FSTL5: variants seen among roughly 807,000 people sequenced by gnomAD.
FSTL5 encodes the protein follistatin like 5.
A neutral mutation model predicts 89.1 loss-of-function variants in FSTL5; 62 were observed. The observed-to-expected ratio is 0.70, with a 90% confidence interval of 0.57 to 0.86. FSTL5 has a LOEUF of 0.86. FSTL5 is among the 40% of genes least tolerant of loss of function. FSTL5 has a pLI of 0.00. For synonymous variants in FSTL5, 383 were observed against 346.2 expected (o/e 1.11, Z -1.18); for missense variants, 1,057 against 1,001.6 (o/e 1.06, Z -0.75).
intron 2 of FSTL5, among the ~76,000 whole-genome samples, chr4:162,074,175 C>G (rs759890172): frequency 6.6e-6 from 1 of 151,718 alleles, no homozygotes; most frequent in Admixed American, 6.6e-5. Context: ...TTGCTCACCA[C>G]TTAGTAACTT....
intron 2 of FSTL5, among the ~76,000 whole-genome samples, chr4:162,103,258 A>G (rs887578610): frequency 6.6e-6 from 1 of 152,202 alleles, no homozygotes; most frequent in South Asian, 2.1e-4. Context: ...AAACACGCAA[A>G]CAACACATTC....
intron 13 of FSTL5, among the ~76,000 whole-genome samples, chr4:161,469,958 TGA>T (rs1431302398): frequency 1.3e-5 from 2 of 152,182 alleles, no homozygotes; most frequent in Non-Finnish European, 2.9e-5. Flanking sequence ...TTTTTGTGGT[TGA>T]GTTTTAGGAG....
intron 2 of FSTL5, among the ~76,000 whole-genome samples, chr4:162,102,211 T>A (rs889920078): frequency 6.6e-6 from 1 of 151,594 alleles, no homozygotes; most frequent in Non-Finnish European, 1.5e-5. Flanking sequence ...AAAAAAAAAA[T>A]AAACAGTAGC....
chr4:162,140,598 C>G (rs1732689923), intron 1 of FSTL5, among the ~76,000 whole-genome samples: 3 of 145,910 alleles, frequency 2.1e-5, no homozygotes, highest in African/African-American at 7.4e-5. Flanking sequence ...GAGGATCTGA[C>G]AGATGAGTGA....
At chr4:162,029,801 T>TA (rs1737447499) in intron 3 of FSTL5, among the ~76,000 whole-genome samples, 1 of 152,050 alleles carries the variant, frequency 6.6e-6, no homozygotes, top group Admixed American at 6.6e-5. Flanking sequence ...GTATCACTAA[T>TA]AACAGTATGC....
intron 8 of FSTL5, among the ~76,000 whole-genome samples, chr4:161,558,457 C>T (rs72687537): frequency 0.21 from 32,329 of 151,750 alleles, 3,628 homozygotes; most frequent in Non-Finnish European, 0.24. Context: ...TTTTGGTCTA[C>T]TTTAAAGAAA....
chr4:161,585,915 G>T (rs1464990736), intron 8 of FSTL5, among the ~76,000 whole-genome samples: 1 of 152,104 alleles, frequency 6.6e-6, no homozygotes, highest in Non-Finnish European at 1.5e-5. Flanking sequence ...TTTGCATCTC[G>T]CCTGCTTTCT....
chr4:161,799,259 G>A (rs7673919), intron 4 of FSTL5, among the ~76,000 whole-genome samples: 110,828 of 151,286 alleles, frequency 0.73, 40,671 homozygotes, highest in Admixed American at 0.76. Context: ...CCTCCCCGCC[G>A]CCAAGTGTTA....
chr4:161,704,856 C>A (rs1241190397), intron 6 of FSTL5, among the ~76,000 whole-genome samples: 1 of 152,076 alleles, frequency 6.6e-6, no homozygotes, highest in Non-Finnish European at 1.5e-5. Flanking sequence ...TCATTACGAG[C>A]CACTAGAGGT....
chr4:161,906,294 A>C lies in FSTL5; in HGVS notation c.409+14110T>G, dbSNP rs12642729. ...AAATTCACCAGTCTCCAGAGGGAGGAACAACGGCACCATTGGAATGACCAG... is the reference window on the plus strand; with the variant it reads ...AAATTCACCAGTCTCCAGAGGGAGGCACAACGGCACCATTGGAATGACCAG... On this transcript the variant is annotated intron_variant, in intron 4 of 15. Coordinates refer to ENST00000306100, the MANE Select transcript of FSTL5 (RefSeq NM_020116.5). 5.1e-3 allele frequency among the ~76,000 whole-genome samples: 780 copies of C among 152,186 alleles called. 19 individuals carry two copies. The highest frequency in any genetic ancestry group is 0.041 in the East Asian group (214 of 5,174).
Position 161,778,317 on chromosome 4 carries a change from T to C in FSTL5, c.410-2243A>G, listed in dbSNP as rs115481933. On this transcript the variant is annotated intron_variant, in intron 4 of 15. Coordinates refer to ENST00000306100, the MANE Select transcript of FSTL5 (RefSeq NM_020116.5). The stretch of plus-strand genomic sequence containing the variant: ...CATAAATAATTTGAAAATTACATAA[T>C]AGGTTTTATGTTAGTTGAGATTTTT... 5.2e-3 allele frequency among the ~76,000 whole-genome samples: 788 copies of C among 152,298 alleles called. 8 individuals are homozygous for C. The highest frequency in any genetic ancestry group is 0.018 in the African/African-American group (746 of 41,578).
intron 5 of FSTL5, among the ~76,000 whole-genome samples, chr4:161,775,059 C>T (rs533585528): frequency 6.9e-4 from 105 of 152,140 alleles, no homozygotes; most frequent in African/African-American, 2.2e-3. Context: ...TGCAAAGCTT[C>T]GAAATACTTG....
chr4:161,654,421 A>G (rs572383168), intron 7 of FSTL5, among the ~76,000 whole-genome samples: 4 of 152,238 alleles, frequency 2.6e-5, no homozygotes, highest in Middle Eastern at 3.4e-3. Flanking sequence ...CAAATCCACA[A>G]TGATGCTGTC....
intron 4 of FSTL5, among the ~76,000 whole-genome samples, chr4:161,807,296 G>A (rs1006413400): frequency 6.6e-5 from 10 of 151,798 alleles, no homozygotes; most frequent in East Asian, 1.9e-4. Flanking sequence ...AAACTCCTGG[G>A]CTCAAGCAAT....
At chr4:161,921,388 A>G (rs11730709) in intron 3 of FSTL5, among the ~76,000 whole-genome samples, 96,298 of 151,912 alleles carry the variant, frequency 0.63, 30,607 homozygotes, top group Middle Eastern at 0.72. Context: ...GAATCCACCA[A>G]TCTTGTACTA....
At chr4:162,146,067 C>G (rs1174599955) in intron 1 of FSTL5, among the ~76,000 whole-genome samples, 1 of 151,848 alleles carries the variant, frequency 6.6e-6, no homozygotes, top group Non-Finnish European at 1.5e-5. Context: ...CTAAAAGATT[C>G]CTGTTTTGAT....
chr4:162,010,439 T>C (rs939384570), intron 3 of FSTL5, among the ~76,000 whole-genome samples: 3 of 152,190 alleles, frequency 2.0e-5, no homozygotes, highest in African/African-American at 7.2e-5. Flanking sequence ...AAAAAAATGA[T>C]GAACATGTAA....
At chr4:162,153,639 T>TATATATTATAC (rs1733319314) in intron 1 of FSTL5, among the ~76,000 whole-genome samples, 1 of 131,214 alleles carries the variant, frequency 7.6e-6, no homozygotes, top group African/African-American at 2.9e-5. Flanking sequence ...TATAATAATA[T>TATATATTATAC]ATGTATATTA....
At position 161,526,323 on chromosome 4, in the gene FSTL5, T is replaced by C. The variant is rs1481247411; in HGVS notation, c.1312+11843A>G. 3.3e-5 allele frequency among the ~76,000 whole-genome samples: 5 copies of C among 152,190 alleles called. No homozygotes were observed. In the East Asian group the frequency reaches 9.6e-4, roughly 29 times the overall value. On this transcript the variant is annotated intron_variant, in intron 10 of 15. Coordinates refer to ENST00000306100, the MANE Select transcript of FSTL5 (RefSeq NM_020116.5). ...AAAGTAGAAATATTTTATTCATTAA[T>C]AATCTGATTCTATTAAAATTTCACT...
Sources: allele counts gnomAD v4.1 joint callset (sites outside exome capture counted in the v4.1 genomes callset), GRCh38; gene constraint gnomAD v4.1.1; transcripts MANE v1.5; gene names NCBI Gene and HGNC (gene_info 2026-07-23, HGNC 2026-07-21).